JMJD1C: variants seen among roughly 807,000 people sequenced by gnomAD.
The protein encoded by JMJD1C is jumonji domain containing 1C.
JMJD1C carries 31 observed loss-of-function variants against 245.3 expected under a neutral mutation model. The observed-to-expected ratio is 0.13, with a 90% CI of 0.09 to 0.17. The LOEUF is 0.17. Ranked by LOEUF, JMJD1C falls within the 10% of genes least tolerant of loss-of-function variation. The pLI is 1.00. For synonymous variants in JMJD1C, 1,057 were observed against 1,017.4 expected, an observed-to-expected ratio of 1.04 and a Z score of -0.74; for missense variants, 2,691 against 3,000.2, an observed-to-expected ratio of 0.90 and a Z score of 2.41.
At chr10:63,507,658 A>AAAAAAAAAAAAAAAAAC (rs1954763363) in intron 1 of JMJD1C, among the ~76,000 whole-genome samples, 1 of 150,358 alleles carries the variant, frequency 6.7e-6, no homozygotes, top group Non-Finnish European at 1.5e-5. Flanking sequence ...AAAAAAAAAA[A>AAAAAAAAAAAAAAAAAC]AAAAACAGTG....
intron 1 of JMJD1C, among the ~76,000 whole-genome samples, chr10:63,490,071 G>C (rs1455700568): frequency 1.3e-5 from 2 of 152,122 alleles, no homozygotes; most frequent in Admixed American, 6.5e-5. Flanking sequence ...GGGTGGAAGA[G>C]TTTCATCCCA....
chr10:63,236,735 G>A (rs1850775853), intron 3 of JMJD1C, among the ~76,000 whole-genome samples: 1 of 152,074 alleles, frequency 6.6e-6, no homozygotes, highest in Non-Finnish European at 1.5e-5. Context: ...AAAATTCCTG[G>A]GAAGCTGGGG....
Position 63,208,519 on chromosome 10 carries a change from G to A in JMJD1C, c.3150C>T (p.Ser1050=), listed in dbSNP as rs1253681271. ...GACTGGAAGATGATGATGCCACTCT[G>A]GAATAATTCTCTCTCTCACCCTCAA... The part of the protein sequence containing the change: ...KGLEGERENY[S]RVASSSSSPK... Residue 1050 remains serine, a synonymous_variant, in exon 10 of 26, where the codon TCC becomes TCT. Transcript: ENST00000399262. 1 of 1,614,028 alleles carries A rather than the reference G, an allele frequency of 6.2e-7. No homozygotes were observed. The highest frequency in any genetic ancestry group is 8.5e-7 in the Non-Finnish European group (1 of 1,179,970).
At chr10:63,465,428 G>C in intron 1 of JMJD1C, 67 bp downstream of exon 1, 6 of 1,450,348 alleles carry the variant, frequency 4.1e-6, no homozygotes, top group South Asian at 2.6e-5. Context: ...AGGGAAGCCT[G>C]CAAGGTACGT....
At chr10:63,506,315 A>T (rs536681411) in intron 1 of JMJD1C, among the ~76,000 whole-genome samples, 1 of 152,344 alleles carries the variant, frequency 6.6e-6, no homozygotes, top group East Asian at 1.9e-4. Flanking sequence ...CCTGGGCAGC[A>T]GGAAGCAAGG....
chr10:63,314,883 A>G (rs1193935770), intron 2 of JMJD1C, among the ~76,000 whole-genome samples: 1 of 151,276 alleles, frequency 6.6e-6, no homozygotes, highest in Non-Finnish European at 1.5e-5. Flanking sequence ...TCTGACTTTC[A>G]GGTGATCTGC....
intron 1 of JMJD1C, among the ~76,000 whole-genome samples, chr10:63,496,289 G>C (rs570729112): frequency 6.6e-6 from 1 of 151,802 alleles, no homozygotes; most frequent in Admixed American, 6.6e-5. Flanking sequence ...AGAAACTTTA[G>C]AAACTTAAAA....
chr10:63,295,950 T>TATATATATATAC (rs1554877081), intron 2 of JMJD1C, among the ~76,000 whole-genome samples: 7 of 127,344 alleles, frequency 5.5e-5, no homozygotes, highest in East Asian at 2.0e-4. Flanking sequence ...TATATATATA[T>TATATATATATAC]ACACGTATAT....
chr10:63,318,390 T>G (rs945699297), intron 2 of JMJD1C, among the ~76,000 whole-genome samples: 3 of 152,178 alleles, frequency 2.0e-5, no homozygotes, highest in Non-Finnish European at 2.9e-5. Context: ...TTCATTTGTG[T>G]TGTTCACCTC....
chr10:63,492,912 T>C (rs888762442), intron 1 of JMJD1C, among the ~76,000 whole-genome samples: 5 of 152,162 alleles, frequency 3.3e-5, no homozygotes, highest in African/African-American at 1.2e-4. Context: ...ACTTAAAGTC[T>C]ACACTCTTAG....
At chr10:63,186,625 A>G (rs1408233345) in intron 18 of JMJD1C, among the ~76,000 whole-genome samples, 2 of 152,162 alleles carry the variant, frequency 1.3e-5, no homozygotes, top group Non-Finnish European at 2.9e-5. Context: ...CTCCTTTGAA[A>G]TTACATAAAT....
intron 22 of JMJD1C, among the ~76,000 whole-genome samples, chr10:63,182,633 C>CTGT (rs1843629027): frequency 1.3e-5 from 2 of 152,140 alleles, no homozygotes; most frequent in African/African-American, 4.8e-5. Flanking sequence ...AGGCCTATGA[C>CTGT]TGTATCTATG....
At chr10:63,276,347 T>A (rs1564722566) in intron 2 of JMJD1C, among the ~76,000 whole-genome samples, 2 of 151,024 alleles carry the variant, frequency 1.3e-5, no homozygotes, top group Admixed American at 1.3e-4. Context: ...GTGCCTGTAG[T>A]CCCAGCTACT....
In JMJD1C at chr10:63,429,772, T is replaced by C. The variant is rs549935836; in HGVS notation, c.168+35723A>G. 9.8e-5 allele frequency among the ~76,000 whole-genome samples: 15 copies of C among 152,364 alleles called. 1 individual carries two copies. The South Asian group carries it at 2.9e-3, about 29-fold the overall frequency. On this transcript the variant is annotated intron_variant, in intron 1 of 25. Coordinates refer to ENST00000399262, the MANE Select transcript of JMJD1C (RefSeq NM_032776.3). ...CACTATGCCTCTTATTATAGCACTA[T>C]ATTACTACAAATAAGAAGGTTTATG...
At chr10:63,374,357 A>T (rs1946550986) in intron 2 of JMJD1C, among the ~76,000 whole-genome samples, 1 of 152,206 alleles carries the variant, frequency 6.6e-6, no homozygotes, top group African/African-American at 2.4e-5. Context: ...TCAATGCTGC[A>T]TCCCCTTAGG....
chr10:63,257,451 C>T (rs907962457), intron 3 of JMJD1C, among the ~76,000 whole-genome samples: 10 of 152,016 alleles, frequency 6.6e-5, no homozygotes, highest in Admixed American at 1.3e-4. Flanking sequence ...TAATGTTGAC[C>T]AGAGAAGGCT....
chr10:63,202,175 T>A, intron 10 of JMJD1C: 1 of 384,728 alleles, frequency 2.6e-6, no homozygotes, highest in South Asian at 1.1e-4. Context: ...AACTGCTTGA[T>A]CCCAGGGGGC....
chr10:63,303,396 CCCAGGTT>C (rs1375551392), intron 2 of JMJD1C, among the ~76,000 whole-genome samples: 1 of 152,144 alleles, frequency 6.6e-6, no homozygotes, highest in Non-Finnish European at 1.5e-5. Flanking sequence ...GCCTTTGACT[CCCAGGTT>C]CCAGCGATTC....
chr10:63,310,644 C>T lies in JMJD1C; in HGVS notation c.334-45880G>A, dbSNP rs561146876. On this transcript the variant is annotated intron_variant, in intron 2 of 25. Transcript: ENST00000399262. ...AAATTGACTATCCTAAAATTTAAAACTTTTATTCACTAAAACTTGCTAATG... is the reference window on the plus strand; with the variant it reads ...AAATTGACTATCCTAAAATTTAAAATTTTTATTCACTAAAACTTGCTAATG... 4.2e-4 allele frequency among the ~76,000 whole-genome samples: 64 copies of T among 152,268 alleles called. 1 individual carries two copies. The South Asian group carries it at 5.4e-3, about 13-fold the overall frequency.
Sources: allele counts gnomAD v4.1 joint callset (sites outside exome capture counted in the v4.1 genomes callset), GRCh38; gene constraint gnomAD v4.1.1; transcripts MANE v1.5; gene names NCBI Gene and HGNC (gene_info 2026-07-23, HGNC 2026-07-21).